The following GPR158 variants were observed in gnomAD, a reference collection of about 807,000 sequenced individuals.
GPR158 encodes the protein G protein-coupled receptor 158.
In GPR158, 30 loss-of-function variants were observed where a neutral mutation model predicts 78.2. The ratio of observed to expected loss-of-function variants is 0.38; its 90% CI spans 0.29 to 0.52. The LOEUF is 0.52. Ranked by LOEUF, GPR158 falls within the 20% of genes least tolerant of loss-of-function variation. GPR158 has a pLI of 0.83. For missense variants in GPR158, 1,463 were observed against 1,523.5 expected (o/e 0.96, Z 0.66); for synonymous variants, 581 against 591.1 (o/e 0.98, Z 0.25).
At chr10:25,320,937 T>C (rs1346963790) in intron 2 of GPR158, among the ~76,000 whole-genome samples, 1 of 152,206 alleles carries the variant, frequency 6.6e-6, no homozygotes, top group Non-Finnish European at 1.5e-5. Flanking sequence ...TGAATTTGCA[T>C]GTGTAATTTA....
At chr10:25,528,302 C>A in intron 5 of GPR158, among the ~76,000 whole-genome samples, 1 of 151,554 alleles carries the variant, frequency 6.6e-6, no homozygotes, top group East Asian at 1.9e-4. Context: ...AATTCCTTAA[C>A]AAAGTATTAG....
chr10:25,254,449 C>T (rs1387745996), intron 2 of GPR158, among the ~76,000 whole-genome samples: 2 of 152,036 alleles, frequency 1.3e-5, no homozygotes, highest in African/African-American at 4.8e-5. Flanking sequence ...CTGAAGAATT[C>T]TGGTTTGATT....
chr10:25,315,515 G>A (rs551435720), intron 2 of GPR158, among the ~76,000 whole-genome samples: 1 of 152,150 alleles, frequency 6.6e-6, no homozygotes, highest in African/African-American at 2.4e-5. Context: ...GCATGTAGTT[G>A]AGTCTTATTC....
chr10:25,538,198 A>G (rs530682163), intron 5 of GPR158, among the ~76,000 whole-genome samples: 26 of 150,872 alleles, frequency 1.7e-4, no homozygotes, highest in East Asian at 5.8e-4. Flanking sequence ...AATCAGAGCC[A>G]AAGCTTCAGA....
intron 2 of GPR158, among the ~76,000 whole-genome samples, chr10:25,330,360 C>A (rs758494076): frequency 2.0e-5 from 3 of 152,140 alleles, no homozygotes; most frequent in Admixed American, 6.5e-5. Flanking sequence ...AGCACAGAAG[C>A]AAAGTCACAT....
chr10:25,235,693 ATTTTT>A (rs930396368), intron 2 of GPR158, among the ~76,000 whole-genome samples: 1 of 113,788 alleles, frequency 8.8e-6, no homozygotes, highest in African/African-American at 3.4e-5. Flanking sequence ...TTGCACAGTA[ATTTTT>A]TTTTTTTTTT....
intron 2 of GPR158, among the ~76,000 whole-genome samples, chr10:25,280,849 C>T (rs775958129): frequency 6.6e-6 from 1 of 152,048 alleles, no homozygotes; most frequent in Non-Finnish European, 1.5e-5. Flanking sequence ...TTAAATTACT[C>T]ATCAGGTTGG....
chr10:25,453,840 G>A (rs764169354), intron 4 of GPR158, among the ~76,000 whole-genome samples: 1 of 152,108 alleles, frequency 6.6e-6, no homozygotes, highest in Non-Finnish European at 1.5e-5. Context: ...TAGCTTTGTA[G>A]TATATTTTGA....
chr10:25,189,844 G>GTGTC (rs1245060138), intron 1 of GPR158, among the ~76,000 whole-genome samples: 1 of 147,776 alleles, frequency 6.8e-6, no homozygotes, highest in African/African-American at 2.5e-5. Flanking sequence ...ATGTGTGTGT[G>GTGTC]TGTGTGTGTG....
At chr10:25,402,828 G>C (rs1198412765) in intron 3 of GPR158, among the ~76,000 whole-genome samples, 2 of 151,922 alleles carry the variant, frequency 1.3e-5, no homozygotes, top group African/African-American at 4.8e-5. Context: ...TGTAGCTTTG[G>C]TGGGTTAATT....
In GPR158 at chr10:25,316,196, G is replaced by A. The variant is rs532675731; in HGVS notation, c.1009-79715G>A. On this transcript the variant is annotated intron_variant, in intron 2 of 10. Coordinates refer to ENST00000376351, the MANE Select transcript of GPR158 (RefSeq NM_020752.3). ...CTTTAAACCCTAATAATTCCAATAG[G>A]ATATGTTTCACAGTTGATCATTGAA... is the stretch of plus-strand genomic sequence containing the variant. Among the ~76,000 whole-genome samples, 178 of 152,110 alleles carry A rather than the reference G, an allele frequency of 1.2e-3. 1 individual carries two copies. Among genetic ancestry groups the A allele is most frequent in the Non-Finnish European group, 2.2e-3 (150 of 67,952 alleles).
At chr10:25,300,103 A>T (rs551776727) in intron 2 of GPR158, among the ~76,000 whole-genome samples, 1 of 152,352 alleles carries the variant, frequency 6.6e-6, no homozygotes, top group African/African-American at 2.4e-5. Context: ...CCCACATTTT[A>T]GTGGCTTAAA....
chr10:25,498,497 G>A (rs779285362), intron 5 of GPR158, among the ~76,000 whole-genome samples: 43 of 152,108 alleles, frequency 2.8e-4, no homozygotes, highest in Non-Finnish European at 2.6e-4. Context: ...GGCAGGGCCC[G>A]GGAACCAGCA....
chr10:25,260,593 A>G (rs1241712200), intron 2 of GPR158, among the ~76,000 whole-genome samples: 4 of 151,420 alleles, frequency 2.6e-5, no homozygotes, highest in African/African-American at 4.9e-5. Flanking sequence ...GACAGTTACT[A>G]TTGTTTTGTT....
intron 2 of GPR158, among the ~76,000 whole-genome samples, chr10:25,333,564 C>T (rs868350330): frequency 2.0e-5 from 3 of 152,192 alleles, no homozygotes; most frequent in Middle Eastern, 3.4e-3. Context: ...ACTGTAATGA[C>T]GCACTTGTCC....
intron 6 of GPR158, among the ~76,000 whole-genome samples, chr10:25,569,720 G>A (rs1649323976): frequency 6.6e-6 from 1 of 151,966 alleles, no homozygotes; most frequent in African/African-American, 2.4e-5. Flanking sequence ...TCTACCTATT[G>A]ATATCCCCCA....
chr10:25,183,742 T>C (rs1029393502), intron 1 of GPR158, among the ~76,000 whole-genome samples: 2 of 152,156 alleles, frequency 1.3e-5, no homozygotes, highest in African/African-American at 4.8e-5. Context: ...AATCTTAGAG[T>C]TATGTAAGGT....
chr10:25,202,217 G>T (rs1447364736), intron 1 of GPR158, among the ~76,000 whole-genome samples: 1 of 151,736 alleles, frequency 6.6e-6, no homozygotes, highest in Non-Finnish European at 1.5e-5. Context: ...GTTTCTTCCT[G>T]GTTAAATACT....
rs146226267 is a variant in GPR158, at chr10:25,559,602, T to A, written c.1514+8517T>A. ...TCAAAGATCATGTTGTTTACAAAGA[T>A]AGAATGTTATGAGAATGCTCAGAAA... On this transcript the variant is annotated intron_variant, in intron 6 of 10. Coordinates refer to ENST00000376351, the MANE Select transcript of GPR158 (RefSeq NM_020752.3). 2.0e-5 allele frequency among the ~76,000 whole-genome samples: 3 copies of A among 152,294 alleles called. No individual in the cohort carries two copies. In the East Asian group the frequency reaches 5.8e-4, roughly 29 times the overall value.
Sources: gnomAD v4.1 joint callset for allele counts (sites outside exome capture counted in the v4.1 genomes callset) on GRCh38, gnomAD v4.1.1 for gene constraint, MANE v1.5 for transcripts, NCBI Gene and HGNC (gene_info 2026-07-23, HGNC 2026-07-21) for gene names.